DOK6: variants seen among roughly 807,000 people sequenced by gnomAD.
DOK6 encodes docking protein 6, also known as downstream of tyrosine kinase 6.
In DOK6, 22 loss-of-function variants were observed where a neutral mutation model predicts 44.0. The ratio of observed to expected loss-of-function variants is 0.50; its 90% CI spans 0.36 to 0.71. DOK6 has a LOEUF of 0.71. DOK6 is among the 30% of genes least tolerant of loss of function. The probability of loss-of-function intolerance (pLI) is 0.00; values close to 1 mark genes in which losing one functional copy is unlikely to be tolerated. For synonymous variants in DOK6, 166 were observed against 145.5 expected, an observed-to-expected ratio of 1.14 and a Z score of -1.01; for missense variants, 340 against 416.4, an observed-to-expected ratio of 0.82 and a Z score of 1.60.
chr18:69,449,373 T>A (rs539877652), intron 1 of DOK6, among the ~76,000 whole-genome samples: 1 of 152,318 alleles, frequency 6.6e-6, no homozygotes, highest in East Asian at 1.9e-4. Context: ...GTTGTAAACT[T>A]TGACATAAAT....
chr18:69,544,259 GA>G (rs1159048609), intron 1 of DOK6, among the ~76,000 whole-genome samples: 1 of 151,206 alleles, frequency 6.6e-6, no homozygotes, highest in Non-Finnish European at 1.5e-5. Context: ...CTCCATCTCA[GA>G]AAAACAAAAC....
intron 2 of DOK6, among the ~76,000 whole-genome samples, chr18:69,566,749 A>G (rs892625533): frequency 1.3e-5 from 2 of 152,268 alleles, no homozygotes; most frequent in African/African-American, 4.8e-5. Flanking sequence ...AGAAGTATTT[A>G]TAGATTGCTG....
At chr18:69,673,810 G>A (rs1985861540) in intron 3 of DOK6, among the ~76,000 whole-genome samples, 1 of 152,118 alleles carries the variant, frequency 6.6e-6, no homozygotes, top group South Asian at 2.1e-4. Context: ...TCTGAAAAAG[G>A]CATCTTCATG....
chr18:69,465,454 C>T (rs990103354), intron 1 of DOK6, among the ~76,000 whole-genome samples: 34 of 151,690 alleles, frequency 2.2e-4, no homozygotes, highest in African/African-American at 8.0e-4. Context: ...TATCCCTCCC[C>T]GCTCCCCCCA....
chr18:69,802,024 T>C (rs996235884), intron 7 of DOK6, among the ~76,000 whole-genome samples: 1 of 152,168 alleles, frequency 6.6e-6, no homozygotes, highest in Non-Finnish European at 1.5e-5. Flanking sequence ...GCTCTAGTTC[T>C]GGGAACCCTT....
intron 7 of DOK6, among the ~76,000 whole-genome samples, chr18:69,797,971 T>G (rs1980797328): frequency 6.6e-6 from 1 of 152,094 alleles, no homozygotes; most frequent in African/African-American, 2.4e-5. Flanking sequence ...TTGACAAAGA[T>G]TCAAAGCCGA....
intron 1 of DOK6, among the ~76,000 whole-genome samples, chr18:69,447,343 T>G (rs955294293): frequency 2.6e-5 from 4 of 152,172 alleles, no homozygotes; most frequent in Non-Finnish European, 5.9e-5. Context: ...TTTGTCAGGT[T>G]TGTCAAAGAT....
At chr18:69,618,950 C>T (rs911004285) in intron 3 of DOK6, among the ~76,000 whole-genome samples, 3 of 151,790 alleles carry the variant, frequency 2.0e-5, no homozygotes, top group African/African-American at 7.3e-5. Context: ...AAAATAAGGT[C>T]AACATTATGT....
Position 69,817,241 on chromosome 18 carries a change from C to T in DOK6, c.857-24003C>T, listed in dbSNP as rs148908181. Among the ~76,000 whole-genome samples, 110 of 152,094 alleles carry T rather than the reference C, an allele frequency of 7.2e-4. 3 individuals are homozygous for T. The highest frequency in any genetic ancestry group is 2.1e-3 in the African/African-American group (89 of 41,490). ...CTGACTCTTCATTTGTGATCAGTAC[C>T]GTTGATCATTTCAGATATGTTTCAA... On this transcript the variant is annotated intron_variant, in intron 7 of 7. Transcript: ENST00000382713.
rs1296113050 is a variant in DOK6 at position 69,619,580 on chromosome 18, C to T, written c.289+20082C>T. 2.0e-5 allele frequency among the ~76,000 whole-genome samples: 3 copies of T among 152,150 alleles called. No individual in the cohort carries two copies. In the East Asian group the frequency reaches 5.8e-4, roughly 29 times the overall value. On this transcript the variant is annotated intron_variant, in intron 3 of 7. Transcript: ENST00000382713. ...ACCAAAATCGTGAGTAAACAAGCAC[C>T]TTGGGTAAAAGTTAGAAAACAGACA...
chr18:69,635,078 C>T (rs1237576817), intron 3 of DOK6, among the ~76,000 whole-genome samples: 1 of 152,180 alleles, frequency 6.6e-6, no homozygotes, highest in Non-Finnish European at 1.5e-5. Flanking sequence ...TGACACAATC[C>T]AGGTGCAAAC....
intron 1 of DOK6, among the ~76,000 whole-genome samples, chr18:69,414,315 A>G (rs1978319081): frequency 6.6e-6 from 1 of 152,110 alleles, no homozygotes; most frequent in Non-Finnish European, 1.5e-5. Context: ...TGAAATAGTA[A>G]TAAATTGAAG....
At chr18:69,468,933 G>A (rs1337167536) in intron 1 of DOK6, among the ~76,000 whole-genome samples, 1 of 152,228 alleles carries the variant, frequency 6.6e-6, no homozygotes, top group African/African-American at 2.4e-5. Context: ...ACACTTCAGA[G>A]TAAGCCGCAC....
chr18:69,553,686 C>T (rs990085914), intron 1 of DOK6, among the ~76,000 whole-genome samples: 2 of 152,208 alleles, frequency 1.3e-5, no homozygotes, highest in African/African-American at 4.8e-5. Context: ...AGAATCCCAG[C>T]TTGTCTCCCT....
chr18:69,640,391 C>T (rs1453384986), intron 3 of DOK6, among the ~76,000 whole-genome samples: 3 of 152,168 alleles, frequency 2.0e-5, no homozygotes, highest in Non-Finnish European at 4.4e-5. Flanking sequence ...AAAAAAAGTG[C>T]TTGCAAGCCT....
intron 7 of DOK6, among the ~76,000 whole-genome samples, chr18:69,785,201 A>T (rs1980394178): frequency 6.6e-6 from 1 of 152,190 alleles, no homozygotes; most frequent in South Asian, 2.1e-4. Context: ...AGAAGATAAG[A>T]TTGCCTGTTT....
intron 4 of DOK6, among the ~76,000 whole-genome samples, chr18:69,689,834 G>A (rs556847043): frequency 2.0e-5 from 3 of 152,002 alleles, no homozygotes; most frequent in Non-Finnish European, 4.4e-5. Flanking sequence ...TTTAATATTC[G>A]TTAAACAGAT....
At chr18:69,709,535 A>G (rs1214351694) in intron 5 of DOK6, among the ~76,000 whole-genome samples, 1 of 152,170 alleles carries the variant, frequency 6.6e-6, no homozygotes, top group African/African-American at 2.4e-5. Context: ...TGTATTTACA[A>G]GATTTTTTTC....
At position 69,737,286 on chromosome 18, in the gene DOK6, C is replaced by T. The variant is rs570482831; in HGVS notation, c.600-1679C>T. Among the ~76,000 whole-genome samples, 57 of 152,224 alleles carry T rather than the reference C, an allele frequency of 3.7e-4. No individual in the cohort carries two copies. In the East Asian group the frequency reaches 3.9e-3, roughly 10 times the overall value. On this transcript the variant is annotated intron_variant, in intron 5 of 7. Transcript: ENST00000382713. The stretch of plus-strand genomic sequence containing the variant: ...CTTACCATCATGGCAGAAGGTGAAA[C>T]GGAAGCAGGGACCTTCTTCACATGG...
Sources: allele counts gnomAD v4.1 joint callset (sites outside exome capture counted in the v4.1 genomes callset), GRCh38; gene constraint gnomAD v4.1.1; transcripts MANE v1.5; gene names NCBI Gene and HGNC (gene_info 2026-07-23, HGNC 2026-07-21).